Variants in LRRIQ3 observed in about 807,000 individuals in gnomAD.
LRRIQ3 encodes leucine rich repeats and IQ motif containing 3, also known as leucine-rich repeat and IQ domain-containing protein 3.
LRRIQ3 carries 75 observed loss-of-function variants against 59.3 expected under a neutral mutation model. That is an observed-to-expected ratio of 1.26 (90% confidence interval 1.05 to 1.53). LRRIQ3 has a LOEUF of 1.53. LRRIQ3 is among the 40% of genes most tolerant of loss of function. LRRIQ3 has a pLI of 0.00. For synonymous variants in LRRIQ3, 250 were observed against 231.3 expected, an observed-to-expected ratio of 1.08 and a Z score of -0.73; for missense variants, 831 against 710.0, an observed-to-expected ratio of 1.17 and a Z score of -1.94.
At chr1:74,105,395 G>A (rs1349238003) in intron 5 of LRRIQ3, among the ~76,000 whole-genome samples, 1 of 151,772 alleles carries the variant, frequency 6.6e-6, no homozygotes, top group African/African-American at 2.4e-5. Context: ...GGGATTTCAG[G>A]AGTATACAAT....
intron 7 of LRRIQ3, among the ~76,000 whole-genome samples, chr1:74,037,649 AAAC>A (rs1017196181): frequency 1.3e-5 from 2 of 152,102 alleles, no homozygotes; most frequent in African/African-American, 4.8e-5. Flanking sequence ...ACAAAACAAA[AAAC>A]AAACAAACAA....
intron 4 of LRRIQ3, among the ~76,000 whole-genome samples, chr1:74,125,781 A>G (rs1016629964): frequency 1.3e-5 from 2 of 151,718 alleles, no homozygotes; most frequent in African/African-American, 4.8e-5. Context: ...TTTTTGCATC[A>G]ATGTTTATCA....
intron 1 of LRRIQ3, among the ~76,000 whole-genome samples, chr1:74,186,246 T>C (rs751472723): frequency 4.6e-5 from 7 of 151,990 alleles, no homozygotes; most frequent in South Asian, 2.1e-4. Context: ...TAGTTAGTAA[T>C]GTCTATAGAT....
chr1:74,104,072 C>T (rs554997224), intron 5 of LRRIQ3, among the ~76,000 whole-genome samples: 1 of 152,042 alleles, frequency 6.6e-6, no homozygotes, highest in South Asian at 2.1e-4. Context: ...AAAATTACAT[C>T]TCACCAAAGA....
intron 5 of LRRIQ3, among the ~76,000 whole-genome samples, chr1:74,093,532 A>T (rs1008240055): frequency 3.3e-5 from 5 of 152,122 alleles, no homozygotes; most frequent in Non-Finnish European, 5.9e-5. Context: ...ACTATGAGTT[A>T]TATCTTGTCT....
rs575739945 is a variant in LRRIQ3 at position 74,109,496 on chromosome 1, T to C, written c.765A>G (p.Ala255=). 11 of 1,573,942 alleles carry C rather than the reference T, an allele frequency of 7.0e-6. No homozygotes were observed. The South Asian group carries it at 1.3e-4, about 19-fold the overall frequency. The change falls in exon 5 of 8, where the codon GCA becomes GCG. Residue 255 remains alanine, a synonymous_variant. Coordinates refer to ENST00000354431, the MANE Select transcript of LRRIQ3 (RefSeq NM_001105659.2). ...QQEKIIRGYE[A]KWIYITKGYE... The stretch of plus-strand genomic sequence containing the variant: ...ACCCTTTGGTTATGTAAATCCATTT[T>C]GCTTCATATCCTCTAATAATTTTTT...
At chr1:74,180,672 T>A in intron 3 of LRRIQ3, 2 of 1,527,936 alleles carry the variant, frequency 1.3e-6, no homozygotes, top group Non-Finnish European at 1.8e-6. Context: ...CTGTCATTTG[T>A]GATGCAATGT....
At position 74,109,553 on chromosome 1, in the gene LRRIQ3, G is replaced by A. The variant is rs1278907827; in HGVS notation, c.708C>T (p.Ser236=). Residue 236 remains serine, a splice_region_variant and synonymous_variant, in exon 5 of 8, where the codon AGC becomes AGT. Coordinates refer to ENST00000354431, the MANE Select transcript of LRRIQ3 (RefSeq NM_001105659.2). ...IRGFLVRKNL[S]PVFFHKKKQQ... ...GTTTTTTTTTGTGGAAAAACACAGG[G>A]CTGAATATAAGGGGAGGGGAAAACT... The A allele has an allele frequency of 6.4e-7, 1 of 1,551,246 alleles. No homozygotes were observed. The highest frequency in any genetic ancestry group is 2.3e-5 in the East Asian group (1 of 42,596).
chr1:74,189,335 A>C (rs1557662448), intron 1 of LRRIQ3, among the ~76,000 whole-genome samples: 1 of 152,114 alleles, frequency 6.6e-6, no homozygotes, highest in African/African-American at 2.4e-5. Flanking sequence ...TGGTTACGAC[A>C]AGTTCATTTT....
chr1:74,100,134 A>C (rs1646509083), intron 5 of LRRIQ3, among the ~76,000 whole-genome samples: 1 of 152,170 alleles, frequency 6.6e-6, no homozygotes, highest in African/African-American at 2.4e-5. Context: ...TCTGCAGATG[A>C]CATGACTGTA....
chr1:74,108,546 A>G (rs1425270240), intron 5 of LRRIQ3, among the ~76,000 whole-genome samples: 1 of 151,726 alleles, frequency 6.6e-6, no homozygotes, highest in Non-Finnish European at 1.5e-5. Context: ...GACAGTCTGG[A>G]CCTTTTGTAT....
At chr1:74,175,971 C>A (rs866165273) in intron 3 of LRRIQ3, among the ~76,000 whole-genome samples, 1 of 152,138 alleles carries the variant, frequency 6.6e-6, no homozygotes, top group African/African-American at 2.4e-5. Context: ...CAACCTGAGA[C>A]AGTGTTATAA....
chr1:74,130,525 C>T (rs1310592335), intron 4 of LRRIQ3, among the ~76,000 whole-genome samples: 1 of 152,054 alleles, frequency 6.6e-6, no homozygotes, highest in African/African-American at 2.4e-5. Flanking sequence ...GCTTTCCTAC[C>T]CTCTTGAGTG....
intron 3 of LRRIQ3, among the ~76,000 whole-genome samples, chr1:74,161,137 C>G (rs958391390): frequency 6.6e-6 from 1 of 151,920 alleles, no homozygotes; most frequent in Non-Finnish European, 1.5e-5. Context: ...TAAATGGTAC[C>G]TTCCCACTGT....
chr1:74,190,181 A>C (rs1310543283), intron 1 of LRRIQ3, among the ~76,000 whole-genome samples: 1 of 152,172 alleles, frequency 6.6e-6, no homozygotes, highest in Non-Finnish European at 1.5e-5. Flanking sequence ...AGGAACAGAC[A>C]CACAGATGTC....
At chr1:74,032,200 T>C (rs1653739802) in intron 7 of LRRIQ3, among the ~76,000 whole-genome samples, 1 of 152,026 alleles carries the variant, frequency 6.6e-6, no homozygotes, top group Non-Finnish European at 1.5e-5. Context: ...TGTTTTGAAT[T>C]TATTAAAATT....
intron 3 of LRRIQ3, 104 bp from the exon 4 acceptor site, chr1:74,155,970 G>A (rs897836189): frequency 4.5e-6 from 3 of 663,846 alleles, no homozygotes; most frequent in Non-Finnish European, 6.7e-6. Flanking sequence ...CTAACAAAAT[G>A]TTCACAAGGT....
At position 74,103,918 on chromosome 1, in the gene LRRIQ3, C is replaced by A. The variant is rs934273935; in HGVS notation, c.867+5476G>T. ...CTTGCCAGCTCTGTTCTGCAACACTCTAGTCAAAGCCAGCTACATAGACTG... is the reference window on the plus strand; with the variant it reads ...CTTGCCAGCTCTGTTCTGCAACACTATAGTCAAAGCCAGCTACATAGACTG... On this transcript the variant is annotated intron_variant, in intron 5 of 7. Coordinates refer to ENST00000354431, the MANE Select transcript of LRRIQ3 (RefSeq NM_001105659.2). Among the ~76,000 whole-genome samples the A allele has an allele frequency of 4.0e-5, 6 of 151,896 alleles. No individual in the cohort carries two copies. In the Admixed American group the frequency reaches 4.0e-4, roughly 10 times the overall value.
chr1:74,077,538 G>C (rs527739420), intron 5 of LRRIQ3, among the ~76,000 whole-genome samples: 39 of 151,892 alleles, frequency 2.6e-4, no homozygotes, highest in African/African-American at 8.9e-4. Context: ...GAAACGTAAA[G>C]GGTCAGAAAT....
Sources: gnomAD v4.1 joint callset for allele counts (sites outside exome capture counted in the v4.1 genomes callset) on GRCh38, gnomAD v4.1.1 for gene constraint, MANE v1.5 for transcripts, NCBI Gene and HGNC (gene_info 2026-07-23, HGNC 2026-07-21) for gene names.